TBRG4: variants seen among roughly 807,000 people sequenced by gnomAD.
The protein encoded by TBRG4 is FAST kinase domain-containing protein 4.
In TBRG4, 43 loss-of-function variants were observed where a neutral mutation model predicts 65.6. The ratio of observed to expected loss-of-function variants is 0.66; its 90% CI spans 0.51 to 0.85. TBRG4 has a LOEUF of 0.85. Ranked by LOEUF, TBRG4 falls within the 40% of genes least tolerant of loss-of-function variation. The pLI, the probability that TBRG4 is intolerant of heterozygous loss-of-function variation, is 0.00. For missense variants in TBRG4, 709 were observed against 787.9 expected (o/e 0.90, Z 1.20); for synonymous variants, 366 against 341.4 (o/e 1.07, Z -0.79).
At chr7:45,107,724 C>T (rs2128646308) in intron 2 of TBRG4, 1 of 154,710 alleles carries the variant, frequency 6.5e-6, no homozygotes, top group South Asian at 2.0e-4. Flanking sequence ...TATTACATTA[C>T]AGATACTTGC....
intron 6 of TBRG4, chr7:45,102,801 A>G (rs1784810779): frequency 2.4e-6 from 1 of 416,678 alleles, no homozygotes; most frequent in African/African-American, 2.0e-5. Context: ...TTCTCCCATA[A>G]TGTCTCCAAG....
intron 5 of TBRG4, 112 bp downstream of exon 5, chr7:45,103,987 C>G: frequency 7.4e-7 from 1 of 1,359,792 alleles, no homozygotes; most frequent in Non-Finnish European, 9.7e-7. Context: ...TATGTATTTG[C>G]CCCCACAAGT....
chr7:45,103,352 T>C lies in TBRG4; in HGVS notation c.1157A>G (p.Glu386Gly), dbSNP rs1443550467. 6.2e-7 allele frequency: 1 copy of C among 1,613,620 alleles called. No homozygotes were observed. The highest frequency in any genetic ancestry group is 8.5e-7 in the Non-Finnish European group (1 of 1,179,742). ...CCCTACCAGGCTGAAGAACTGATCCTCTTGGTCTGGATGGAAGTTCAGACG... is the reference window on the plus strand; with the variant it reads ...CCCTACCAGGCTGAAGAACTGATCCCCTTGGTCTGGATGGAAGTTCAGACG... Reference protein sequence around the residue: ...FARLNFHPDQEDQFFSLVHEK... With the variant: ...FARLNFHPDQGDQFFSLVHEK... Residue 386 changes from glutamate to glycine, a missense_variant, in exon 6 of 11, where the codon GAG becomes GGG. Coordinates refer to ENST00000258770, the MANE Select transcript of TBRG4 (RefSeq NM_004749.4).
At position 45,104,645 on chromosome 7, in the gene TBRG4, G is replaced by C; in HGVS notation, c.800C>G (p.Ala267Gly). 1 of 1,613,964 alleles carries C rather than the reference G, an allele frequency of 6.2e-7. No individual in the cohort carries two copies. ...ELRKVLVMLA[A>G]QSRRSVPLLR... ...CAAGGGCACGGACCGCCGGCTCTGA[G>C]CTGCCAGCATCACCAGCACCTTCCG... The change falls in exon 4 of 11, where the codon GCT (alanine) becomes GGT (glycine). Residue 267 changes from alanine (A) to glycine (G), a missense_variant. By Grantham distance (60) the Ala-to-Gly change is moderately conservative. Coordinates refer to ENST00000258770, the MANE Select transcript of TBRG4 (RefSeq NM_004749.4).
Position 45,103,349 on chromosome 7 carries a change from T to A in TBRG4, c.1160A>T (p.Asp387Val). 1 of 1,613,296 alleles carries A rather than the reference T, an allele frequency of 6.2e-7. No homozygotes were observed. Residue 387 changes from aspartate (D) to valine (V), a missense_variant, in exon 6 of 11, where the codon GAT becomes GTT. Transcript: ENST00000258770. ...ARLNFHPDQEDQFFSLVHEKL... is the reference protein window; with the variant it reads ...ARLNFHPDQEVQFFSLVHEKL... ...AGGCCCTACCAGGCTGAAGAACTGA[T>A]CCTCTTGGTCTGGATGGAAGTTCAG...
Position 45,105,424 on chromosome 7 carries a change from G to C in TBRG4, c.735+17C>G, listed in dbSNP as rs1392192725. The C allele has an allele frequency of 1.3e-6, 2 of 1,572,742 alleles. No homozygotes were observed. The highest frequency in any genetic ancestry group is 8.6e-7 in the Non-Finnish European group (1 of 1,157,674). Reference sequence around the variant, plus strand: ...AGGGGAGGCAGGCTGGGTGCCACCTGCTTTCAGGCCCAGTACCTTGTCTTC... The same window carrying C: ...AGGGGAGGCAGGCTGGGTGCCACCTCCTTTCAGGCCCAGTACCTTGTCTTC... On this transcript the variant is annotated intron_variant, in intron 3 of 10. Coordinates refer to ENST00000258770, the MANE Select transcript of TBRG4 (RefSeq NM_004749.4).
In TBRG4 at chr7:45,104,677, A is replaced by G. The variant is rs1280165718; in HGVS notation, c.768T>C (p.Asn256=). ...CLELVEHFGP[N]ELRKVLVMLA... is the part of the protein sequence containing the mutation. ...GCATCACCAGCACCTTCCGCAGCTC[A>G]TTGGGGCCAAAGTGCTCCACCAACT... Residue 256 remains asparagine, a synonymous_variant, in exon 4 of 11, where the codon AAT becomes AAC. Coordinates refer to ENST00000258770, the MANE Select transcript of TBRG4 (RefSeq NM_004749.4). 1.2e-6 allele frequency: 2 copies of G among 1,613,924 alleles called. No homozygotes were observed. The highest frequency in any genetic ancestry group is 3.3e-5 in the Admixed American group (2 of 60,024).
chr7:45,100,122 G>A lies in TBRG4; in HGVS notation c.*203C>T, dbSNP rs1216197361. The A allele has an allele frequency of 3.7e-6, 2 of 541,198 alleles. No homozygotes were observed. The highest frequency in any genetic ancestry group is 6.6e-6 in the Non-Finnish European group (2 of 305,238). 33.5% of individuals were successfully genotyped at this position (541,198 alleles called of 1,614,324 possible). A position where few individuals can be genotyped will look rare whatever the true frequency, so the allele number is the denominator to read the frequency against. On this transcript the variant is annotated 3_prime_UTR_variant, in exon 11 of 11. Coordinates refer to ENST00000258770, the MANE Select transcript of TBRG4 (RefSeq NM_004749.4). Reference sequence around the variant, plus strand: ...TGCTGACAGTGCAGAGGGTGACCAAGCCTGGGAAGGCCCCAGGGGTCCAAC... The same window carrying A: ...TGCTGACAGTGCAGAGGGTGACCAAACCTGGGAAGGCCCCAGGGGTCCAAC...
chr7:45,109,341 C>A, intron 1 of TBRG4, 54 bp from the exon 2 acceptor site: 8 of 1,389,146 alleles, frequency 5.8e-6, no homozygotes, highest in Non-Finnish European at 5.7e-6. Context: ...TCCTGACTCA[C>A]AAACTTGAGA....
chr7:45,110,131 A>C (rs575989484), intron 1 of TBRG4, among the ~76,000 whole-genome samples: 10 of 152,284 alleles, frequency 6.6e-5, no homozygotes, highest in African/African-American at 2.4e-4. Context: ...CTGAACCAAT[A>C]ATAAGAAGCA....
intron 2 of TBRG4, among the ~76,000 whole-genome samples, chr7:45,107,956 G>A (rs986776138): frequency 6.6e-6 from 1 of 152,160 alleles, no homozygotes; most frequent in African/African-American, 2.4e-5. Context: ...TAGAACAAAA[G>A]TTCCATGAGA....
intron 10 of TBRG4, among the ~76,000 whole-genome samples, 168 bp from the exon 11 acceptor site, chr7:45,100,594 A>G (rs972419866): frequency 5.3e-5 from 8 of 152,214 alleles, no homozygotes; most frequent in African/African-American, 1.7e-4. Flanking sequence ...GGCAGAGCCC[A>G]TGAACTGCAG....
chr7:45,102,962 C>T (rs1784814556), intron 6 of TBRG4: 1 of 341,152 alleles, frequency 2.9e-6, no homozygotes, highest in Non-Finnish European at 5.6e-6. Context: ...CCTGGGATCA[C>T]ACCTGGCCTG....
intron 2 of TBRG4, among the ~76,000 whole-genome samples, chr7:45,108,299 G>A (rs1785019508): frequency 1.3e-5 from 2 of 152,228 alleles, no homozygotes; most frequent in Admixed American, 6.5e-5. Context: ...CAGTGAGCAG[G>A]AACTGGCTTC....
intron 3 of TBRG4, chr7:45,105,123 C>T: frequency 1.5e-6 from 1 of 651,188 alleles, no homozygotes; most frequent in Admixed American, 1.9e-5. Context: ...TGTGTTACTT[C>T]AGGAGCTGCC....
chr7:45,104,069 T>A (rs1218729163), intron 5 of TBRG4, 30 bp downstream of exon 5: 3 of 1,554,452 alleles, frequency 1.9e-6, no homozygotes, highest in Non-Finnish European at 2.6e-6. Context: ...GAAGCCAGCT[T>A]CTCTGAGTTG....
intron 7 of TBRG4, 95 bp from the exon 8 acceptor site, chr7:45,102,165 G>T: frequency 1.3e-6 from 2 of 1,530,178 alleles, no homozygotes; most frequent in Non-Finnish European, 8.8e-7. Context: ...CCCAGTCCCA[G>T]CCCAGTTTTC....
chr7:45,101,128 C>T, intron 10 of TBRG4, 130 bp downstream of exon 10: 1 of 798,874 alleles, frequency 1.3e-6, no homozygotes, highest in Non-Finnish European at 1.9e-6. Context: ...TCCCTGGGCT[C>T]CTGGGAGAGG....
chr7:45,108,134 T>C (rs1416649951), intron 2 of TBRG4, among the ~76,000 whole-genome samples: 2 of 152,258 alleles, frequency 1.3e-5, no homozygotes, highest in African/African-American at 2.4e-5. Context: ...TTCTCTTCAT[T>C]ACACCTGACA....
Sources: allele counts gnomAD v4.1 joint callset (sites outside exome capture counted in the v4.1 genomes callset), GRCh38; gene constraint gnomAD v4.1.1; transcripts MANE v1.5; gene names NCBI Gene and HGNC (gene_info 2026-07-23, HGNC 2026-07-21).